SLC22A24: variants seen among roughly 807,000 people sequenced by gnomAD.
SLC22A24 encodes steroid transmembrane transporter SLC22A24.
SLC22A24 carries 53 observed loss-of-function variants against 49.8 expected under a neutral mutation model. The observed-to-expected ratio is 1.06, with a 90% CI of 0.85 to 1.34. SLC22A24 has a LOEUF of 1.34. SLC22A24 is among the 40% of genes most tolerant of loss of function. SLC22A24 has a pLI of 0.00. For synonymous variants in SLC22A24, 302 were observed against 256.4 expected (o/e 1.18, Z -1.70); for missense variants, 786 against 675.9 (o/e 1.16, Z -1.81).
At position 63,083,463 on chromosome 11, in the gene SLC22A24, G is replaced by A. The variant is rs1202730431; in HGVS notation, c.1071-6C>T. On this transcript the variant is annotated splice_polypyrimidine_tract_variant and splice_region_variant and intron_variant, in intron 6 of 9. Coordinates refer to ENST00000612278, the MANE Select transcript of SLC22A24 (RefSeq NM_001136506.2). Reference sequence around the variant, plus strand: ...AGGGTACAGTGATTGCGAATCTGAAGTGAATAAAAAGGACAAAGACATATT... The same window carrying A: ...AGGGTACAGTGATTGCGAATCTGAAATGAATAAAAAGGACAAAGACATATT... 1 of 1,547,872 alleles carries A rather than the reference G, an allele frequency of 6.5e-7. No individual in the cohort carries two copies. The highest frequency in any genetic ancestry group is 2.0e-5 in the Admixed American group (1 of 50,898).
At position 63,081,142 on chromosome 11, in the gene SLC22A24, A is replaced by C. The variant is rs911173142; in HGVS notation, c.1395-19T>G. The C allele has an allele frequency of 6.5e-7, 1 of 1,543,738 alleles. No individual in the cohort carries two copies. The highest frequency in any genetic ancestry group is 2.0e-5 in the Admixed American group (1 of 50,928). ...TGTTGACCTTAGAGTGCAAATAACA[A>C]TACAAAAAATCTTGTATGAATCTGT... On this transcript the variant is annotated intron_variant, in intron 8 of 9. Transcript: ENST00000612278.
rs576631905 is a variant in SLC22A24 at position 63,140,860 on chromosome 11, A to G, written c.402+2518T>C. On this transcript the variant is annotated intron_variant, in intron 1 of 9. Transcript: ENST00000612278. The stretch of plus-strand genomic sequence containing the variant: ...TTTTTCTGGTTTAGAGGGGGTTTTA[A>G]AGACTGTCTTAAACTAAGAGAGAAT... Among the ~76,000 whole-genome samples, 3 of 152,220 alleles carry G rather than the reference A, an allele frequency of 2.0e-5. No individual in the cohort carries two copies. The East Asian group carries it at 5.8e-4, about 29-fold the overall frequency.
At chr11:63,141,614 G>T (rs1159825410) in intron 1 of SLC22A24, among the ~76,000 whole-genome samples, 1 of 152,142 alleles carries the variant, frequency 6.6e-6, no homozygotes, top group African/African-American at 2.4e-5. Flanking sequence ...TTTCTAACAG[G>T]CCCAGGAACC....
At chr11:63,125,307 A>G (rs1325962134) in intron 2 of SLC22A24, among the ~76,000 whole-genome samples, 1 of 151,952 alleles carries the variant, frequency 6.6e-6, no homozygotes, top group Non-Finnish European at 1.5e-5. Flanking sequence ...CTCCTCCCCT[A>G]GCCCTGCACT....
intron 1 of SLC22A24, among the ~76,000 whole-genome samples, chr11:63,136,390 G>T (rs2134683195): frequency 6.6e-6 from 1 of 152,254 alleles, no homozygotes; most frequent in South Asian, 2.1e-4. Context: ...CCTGCAACTG[G>T]CACTGGTCAA....
Position 63,143,500 on chromosome 11 carries a change from G to A in SLC22A24, c.280C>T (p.Pro94Ser). 3.7e-6 allele frequency: 6 copies of A among 1,601,370 alleles called. No individual in the cohort carries two copies. The highest frequency in any genetic ancestry group is 5.1e-6 in the Non-Finnish European group (6 of 1,174,208). Reference sequence around the variant, plus strand: ...TTCAGGTGAAGGAGCTGCCACTGGGGATGGATAAAGCGCTGACACTTCTGT... The same window carrying A: ...TTCAGGTGAAGGAGCTGCCACTGGGAATGGATAAAGCGCTGACACTTCTGT... ...RPQKCQRFIH[P>S]QWQLLHLNGT... The change falls in exon 1 of 10, where the codon CCC (proline) becomes TCC (serine). Residue 94 changes from proline to serine, a missense_variant. By Grantham distance (74) the Pro-to-Ser change is moderately conservative (BLOSUM62 -1). Transcript: ENST00000612278.
chr11:63,118,141 T>G (rs1409031305), intron 4 of SLC22A24, among the ~76,000 whole-genome samples: 1 of 152,090 alleles, frequency 6.6e-6, no homozygotes, highest in Non-Finnish European at 1.5e-5. Context: ...AAAGGTATAA[T>G]AATGACAGCT....
chr11:63,133,592 A>C lies in SLC22A24; in HGVS notation c.506+1073T>G, dbSNP rs75022646. ...AGAAGGAGCTCTGCCAGGACAAAGG[A>C]ATCCCCAAACATCTCATCCTCAAGC... On this transcript the variant is annotated intron_variant, in intron 2 of 9. Coordinates refer to ENST00000612278, the MANE Select transcript of SLC22A24 (RefSeq NM_001136506.2). 3.2e-4 allele frequency among the ~76,000 whole-genome samples: 48 copies of C among 152,196 alleles called. No individual in the cohort carries two copies. In the East Asian group the frequency reaches 8.9e-3, roughly 28 times the overall value.
At chr11:63,129,158 TGTAAGGAAGGGATCCA>T (rs1420995550) in intron 2 of SLC22A24, among the ~76,000 whole-genome samples, 2 of 152,178 alleles carry the variant, frequency 1.3e-5, no homozygotes, top group Non-Finnish European at 2.9e-5. Context: ...TTGTATAAGG[TGTAAGGAAGGGATCCA>T]GTTTTAGCTT....
intron 3 of SLC22A24, 48 bp downstream of exon 3, chr11:63,119,133 G>A: frequency 1.3e-6 from 2 of 1,526,030 alleles, no homozygotes; most frequent in Non-Finnish European, 1.8e-6. Context: ...TAATTTCAAG[G>A]TCAATTCAAG....
intron 2 of SLC22A24, among the ~76,000 whole-genome samples, chr11:63,132,582 C>T (rs1020005712): frequency 2.6e-5 from 4 of 152,148 alleles, no homozygotes; most frequent in African/African-American, 7.2e-5. Flanking sequence ...GGTCCACTCC[C>T]GACACTCTTT....
At chr11:63,139,717 C>G (rs767969287) in intron 1 of SLC22A24, among the ~76,000 whole-genome samples, 5 of 152,172 alleles carry the variant, frequency 3.3e-5, no homozygotes, top group Admixed American at 6.5e-5. Context: ...GGGATCCGAT[C>G]CAGGATCCAG....
At chr11:63,091,946 G>GGAA (rs1435959182) in intron 6 of SLC22A24, among the ~76,000 whole-genome samples, 1 of 149,108 alleles carries the variant, frequency 6.7e-6, no homozygotes, top group Non-Finnish European at 1.5e-5. Flanking sequence ...TATTTAAATA[G>GGAA]AGAGGAAGTC....
intron 4 of SLC22A24, among the ~76,000 whole-genome samples, chr11:63,113,217 T>TATATATATAC (rs1565332369): frequency 6.2e-4 from 1 of 1,616 alleles, no homozygotes; most frequent in East Asian, 0.17. Context: ...TATATACACA[T>TATATATATAC]ATATATATAT....
intron 4 of SLC22A24, among the ~76,000 whole-genome samples, chr11:63,111,728 AT>A (rs2087166663): frequency 6.6e-6 from 1 of 151,094 alleles, no homozygotes; most frequent in Non-Finnish European, 1.5e-5. Context: ...TGTCTATTTG[AT>A]TCTTCTCTCT....
intron 9 of SLC22A24, among the ~76,000 whole-genome samples, 163 bp from the exon 10 acceptor site, chr11:63,080,163 G>C (rs2086951101): frequency 2.6e-5 from 4 of 152,130 alleles, no homozygotes; most frequent in Admixed American, 2.6e-4. Flanking sequence ...GTTGGAAAAG[G>C]CCCTGATACC....
intron 4 of SLC22A24, among the ~76,000 whole-genome samples, chr11:63,105,337 G>A (rs1433476857): frequency 7.7e-6 from 1 of 129,172 alleles, no homozygotes; most frequent in Non-Finnish European, 1.6e-5. Context: ...GTACCAGTGG[G>A]GACTCTCTGT....
Position 63,143,510 on chromosome 11 carries a change from G to A in SLC22A24, c.270C>T (p.Arg90=), listed in dbSNP as rs958965293. Residue 90 remains arginine, a synonymous_variant, in exon 1 of 10, where the codon CGC becomes CGT. Coordinates refer to ENST00000612278, the MANE Select transcript of SLC22A24 (RefSeq NM_001136506.2). ...GGAGCTGCCACTGGGGATGGATAAA[G>A]CGCTGACACTTCTGTGGCCTCAGGT... The part of the protein sequence containing the change: ...DSNLRPQKCQ[R]FIHPQWQLLH... 1.2e-6 allele frequency: 2 copies of A among 1,600,556 alleles called. No individual in the cohort carries two copies. The highest frequency in any genetic ancestry group is 4.6e-5 in the East Asian group (2 of 43,696).
At chr11:63,084,664 C>T (rs1005116871) in intron 6 of SLC22A24, among the ~76,000 whole-genome samples, 1 of 152,126 alleles carries the variant, frequency 6.6e-6, no homozygotes, top group Admixed American at 6.6e-5. Context: ...GTTACCAATG[C>T]CCGACCTTTG....
Sources: gnomAD v4.1 joint callset for allele counts (sites outside exome capture counted in the v4.1 genomes callset) on GRCh38, gnomAD v4.1.1 for gene constraint, MANE v1.5 for transcripts, NCBI Gene and HGNC (gene_info 2026-07-23, HGNC 2026-07-21) for gene names.